VPS13B: variants seen among roughly 807,000 people sequenced by gnomAD.
The protein encoded by VPS13B is intermembrane lipid transfer protein VPS13B.
Under a neutral mutation model 426.4 loss-of-function variants are expected in VPS13B, and 285 were observed. The ratio of observed to expected loss-of-function variants is 0.67; its 90% CI spans 0.61 to 0.74. The LOEUF is 0.74. VPS13B is among the 30% of genes least tolerant of loss of function. The pLI is 0.00. For synonymous variants in VPS13B, 1,676 were observed against 1,676.4 expected (o/e 1.00, Z 0.01); for missense variants, 4,537 against 4,782.6 (o/e 0.95, Z 1.51).
chr8:99,614,669 G>C (rs190747713), intron 33 of VPS13B, among the ~76,000 whole-genome samples: 1 of 152,036 alleles, frequency 6.6e-6, no homozygotes, highest in African/African-American at 2.4e-5. Context: ...GGCTTAATCC[G>C]GGTCATTTAG....
chr8:99,050,604 G>A (rs995367511), intron 3 of VPS13B, among the ~76,000 whole-genome samples: 10 of 152,114 alleles, frequency 6.6e-5, no homozygotes, highest in Admixed American at 5.2e-4. Flanking sequence ...CTGAGGAATC[G>A]CCACACTGAC....
intron 19 of VPS13B, among the ~76,000 whole-genome samples, chr8:99,370,724 C>G (rs758973322): frequency 4.6e-5 from 7 of 151,158 alleles, no homozygotes; most frequent in Non-Finnish European, 7.4e-5. Context: ...ATACTCCTGC[C>G]TCAGCCTCCC....
chr8:99,399,392 T>C (rs892540554), intron 21 of VPS13B, among the ~76,000 whole-genome samples: 1 of 152,166 alleles, frequency 6.6e-6, no homozygotes, highest in Non-Finnish European at 1.5e-5. Context: ...TTAGACAATA[T>C]TTCTAAGATT....
chr8:99,194,698 T>C (rs941585164), intron 17 of VPS13B, among the ~76,000 whole-genome samples: 57 of 152,344 alleles, frequency 3.7e-4, no homozygotes, highest in African/African-American at 1.3e-3. Context: ...ATTTCATATC[T>C]TGGCTATTGT....
chr8:99,328,038 A>G (rs754292348), intron 19 of VPS13B, among the ~76,000 whole-genome samples: 25 of 152,210 alleles, frequency 1.6e-4, no homozygotes, highest in Non-Finnish European at 2.6e-4. Flanking sequence ...GTCTATTAGG[A>G]ACCAGGCTGC....
chr8:99,511,560 A>G, intron 29 of VPS13B, 48 bp downstream of exon 29: 1 of 1,575,596 alleles, frequency 6.3e-7, no homozygotes, highest in Non-Finnish European at 8.6e-7. Context: ...ATTTTCTTCT[A>G]GAGACCTTAG....
rs961797247 is a variant in VPS13B, at chr8:99,442,529, A to G, written c.3339A>G (p.Thr1113=). The G allele has an allele frequency of 5.0e-6, 8 of 1,614,014 alleles. No homozygotes were observed. The highest frequency in any genetic ancestry group is 5.9e-6 in the Non-Finnish European group (7 of 1,179,938). The change falls in exon 23 of 62, where the codon ACA becomes ACG. Residue 1113 remains threonine, a synonymous_variant. Transcript: ENST00000357162. The part of the protein sequence containing the change: ...WYHGQTSMPG[T]LVLCLPQIKI... ...ATGGACAAACCAGCATGCCGGGAAC[A>G]CTTGTCCTCTGTTTGCCTCAAATAA... is the stretch of plus-strand genomic sequence containing the variant.
intron 8 of VPS13B, among the ~76,000 whole-genome samples, chr8:99,123,504 C>T (rs1054552729): frequency 6.6e-6 from 1 of 151,838 alleles, no homozygotes; most frequent in Non-Finnish European, 1.5e-5. Flanking sequence ...GTGAGATAAA[C>T]AATATTTGGC....
intron 52 of VPS13B, among the ~76,000 whole-genome samples, chr8:99,833,076 A>G (rs1002570056): frequency 1.3e-5 from 2 of 152,222 alleles, no homozygotes; most frequent in African/African-American, 2.4e-5. Context: ...TTCTTTTCCC[A>G]TATTTTACTT....
At chr8:99,527,830 G>C (rs1051672945) in intron 30 of VPS13B, 2 of 151,972 alleles carry the variant, frequency 1.3e-5, no homozygotes, top group Admixed American at 1.3e-4. Context: ...TAAATTGTCT[G>C]ATCCAAGTGA....
intron 22 of VPS13B, among the ~76,000 whole-genome samples, chr8:99,441,493 CCAAT>C (rs1817674254): frequency 6.6e-6 from 1 of 152,040 alleles, no homozygotes; most frequent in Non-Finnish European, 1.5e-5. Flanking sequence ...AGGAAATCAA[CCAAT>C]CATAGTTTGT....
At chr8:99,665,333 T>C (rs1354100662) in intron 35 of VPS13B, among the ~76,000 whole-genome samples, 1 of 152,162 alleles carries the variant, frequency 6.6e-6, no homozygotes, top group Non-Finnish European at 1.5e-5. Context: ...TTAGATCCCA[T>C]TTGTCAATTT....
intron 3 of VPS13B, among the ~76,000 whole-genome samples, chr8:99,083,903 T>C (rs1845622903): frequency 3.4e-5 from 5 of 148,688 alleles, no homozygotes; most frequent in African/African-American, 1.2e-4. Context: ...ATCAGGGATA[T>C]TGGTCTAAAA....
At chr8:99,225,417 G>C (rs571926819) in intron 17 of VPS13B, among the ~76,000 whole-genome samples, 1 of 151,942 alleles carries the variant, frequency 6.6e-6, no homozygotes, top group Non-Finnish European at 1.5e-5. Context: ...GCTGGGACTA[G>C]AGGCACCCAC....
At position 99,699,584 on chromosome 8, in the gene VPS13B, G is replaced by GATC; in HGVS notation, c.6108_6110dup (p.Asp2036_Gln2037insHis). 1 of 1,614,048 alleles carries GATC rather than the reference G, an allele frequency of 6.2e-7. No homozygotes were observed. The highest frequency in any genetic ancestry group is 8.5e-7 in the Non-Finnish European group (1 of 1,180,002). ...AGCAAACCTGAGTTTCACCAAACTGGATCAGATAAACCTTTTTTTAAAGAA... is the reference window on the plus strand; with the variant it reads ...AGCAAACCTGAGTTTCACCAAACTGGATCATCAGATAAACCTTTTTTTAAAGAA... On this transcript the variant is annotated inframe_insertion, in exon 36 of 62. Transcript: ENST00000357162.
intron 16 of VPS13B, among the ~76,000 whole-genome samples, chr8:99,187,718 C>T (rs1813297238): frequency 6.6e-6 from 1 of 152,118 alleles, no homozygotes; most frequent in Non-Finnish European, 1.5e-5. Context: ...CCTGTAATCC[C>T]AACACTTTGG....
At chr8:99,264,762 T>C (rs1470639564) in intron 17 of VPS13B, among the ~76,000 whole-genome samples, 7 of 152,306 alleles carry the variant, frequency 4.6e-5, no homozygotes, top group East Asian at 1.9e-4. Flanking sequence ...GTAAACACTT[T>C]TAATTTGCAA....
intron 15 of VPS13B, among the ~76,000 whole-genome samples, chr8:99,160,786 A>G (rs1057198919): frequency 7.9e-5 from 12 of 152,126 alleles, no homozygotes; most frequent in African/African-American, 2.7e-4. Context: ...AAGTATTTGT[A>G]TATCTGTAAC....
At chr8:99,086,643 G>C (rs1019035557) in intron 3 of VPS13B, among the ~76,000 whole-genome samples, 2 of 152,022 alleles carry the variant, frequency 1.3e-5, no homozygotes, top group African/African-American at 4.8e-5. Context: ...TTTTGGTGTG[G>C]ATGTTCTTTC....
Sources: gnomAD v4.1 joint callset for allele counts (sites outside exome capture counted in the v4.1 genomes callset) on GRCh38, gnomAD v4.1.1 for gene constraint, MANE v1.5 for transcripts, NCBI Gene and HGNC (gene_info 2026-07-23, HGNC 2026-07-21) for gene names.